METTL2A: variants seen among roughly 807,000 people sequenced by gnomAD.
The protein encoded by METTL2A is tRNA N(3)-cytidine methyltransferase METTL2A.
METTL2A carries 45 observed loss-of-function variants against 49.4 expected under a neutral mutation model. The ratio of observed to expected loss-of-function variants is 0.91; its 90% CI spans 0.72 to 1.17. The LOEUF (loss-of-function observed/expected upper bound fraction) is 1.17. Among genes scored for constraint, METTL2A ranks in the 50% most tolerant of loss-of-function variants. The pLI, the probability that METTL2A is intolerant of heterozygous loss-of-function variation, is 0.00. For synonymous variants in METTL2A, 118 were observed against 167.5 expected, an observed-to-expected ratio of 0.70 and a Z score of 2.28; for missense variants, 361 against 462.2, an observed-to-expected ratio of 0.78 and a Z score of 2.01.
chr17:62,424,562 G>A (rs1234853066), intron 2 of METTL2A, among the ~76,000 whole-genome samples: 1 of 152,168 alleles, frequency 6.6e-6, no homozygotes, highest in Non-Finnish European at 1.5e-5. Flanking sequence ...CTTTAATTAT[G>A]TTTAGTAGAT....
chr17:62,424,190 C>T (rs747992914), intron 1 of METTL2A, 29 bp from the exon 2 acceptor site: 227 of 1,613,986 alleles, frequency 1.4e-4, no homozygotes, highest in Admixed American at 1.0e-4. Flanking sequence ...GGACGTGAGG[C>T]CCCTAAGCTG....
intron 8 of METTL2A, 34 bp from the exon 9 acceptor site, chr17:62,448,541 A>G (rs1457309823): frequency 6.2e-7 from 1 of 1,607,330 alleles, no homozygotes; most frequent in South Asian, 1.1e-5. Flanking sequence ...CTTGAGGGGA[A>G]AAATGCATAA....
At chr17:62,442,193 T>A (rs1403951198) in intron 6 of METTL2A, among the ~76,000 whole-genome samples, 1 of 152,206 alleles carries the variant, frequency 6.6e-6, no homozygotes, top group Non-Finnish European at 1.5e-5. Flanking sequence ...CAGATTCAGA[T>A]TAAAGGAAAG....
chr17:62,440,216 G>A (rs1015633777), intron 5 of METTL2A, among the ~76,000 whole-genome samples: 14 of 151,976 alleles, frequency 9.2e-5, no homozygotes, highest in Admixed American at 6.6e-4. Context: ...GTAGAGATGG[G>A]GTTTCTCCAT....
chr17:62,447,644 A>G (rs2070777879), intron 7 of METTL2A, 57 bp from the exon 8 acceptor site: 12 of 1,596,942 alleles, frequency 7.5e-6, no homozygotes, highest in South Asian at 1.1e-5. Flanking sequence ...TTCCTTAGCA[A>G]TGCGAGTCAA....
intron 5 of METTL2A, among the ~76,000 whole-genome samples, chr17:62,437,492 G>A (rs1290076243): frequency 6.6e-6 from 1 of 152,012 alleles, no homozygotes; most frequent in African/African-American, 2.4e-5. Context: ...TCCCTTACAA[G>A]CTCACCCTGT....
chr17:62,438,139 G>A (rs1013309007), intron 5 of METTL2A, among the ~76,000 whole-genome samples: 5 of 151,824 alleles, frequency 3.3e-5, no homozygotes, highest in African/African-American at 1.2e-4. Flanking sequence ...GGGTGCAGTG[G>A]TTCATGCCTG....
intron 5 of METTL2A, among the ~76,000 whole-genome samples, chr17:62,438,315 G>A (rs1241398876): frequency 1.3e-5 from 2 of 151,374 alleles, no homozygotes; most frequent in Middle Eastern, 3.5e-3. Flanking sequence ...GCTGAGGCAG[G>A]AGAATCGCTT....
chr17:62,447,407 G>A (rs1396038933), intron 7 of METTL2A, among the ~76,000 whole-genome samples: 1 of 152,098 alleles, frequency 6.6e-6, no homozygotes, highest in East Asian at 1.9e-4. Flanking sequence ...CAACAAGAGC[G>A]AAACTCCGTC....
chr17:62,442,307 A>ACT (rs1302551571), intron 6 of METTL2A, among the ~76,000 whole-genome samples: 2 of 150,238 alleles, frequency 1.3e-5, no homozygotes, highest in Admixed American at 6.6e-5. Flanking sequence ...ATGGAGTCTC[A>ACT]CTCTGTTGCC....
intron 4 of METTL2A, among the ~76,000 whole-genome samples, chr17:62,428,152 C>A (rs2070640837): frequency 6.6e-6 from 1 of 152,152 alleles, no homozygotes; most frequent in South Asian, 2.1e-4. Flanking sequence ...TTAAAACTTG[C>A]TAGTGTTAAC....
chr17:62,441,464 T>C (rs551873937), intron 6 of METTL2A, among the ~76,000 whole-genome samples: 1 of 152,298 alleles, frequency 6.6e-6, no homozygotes, highest in East Asian at 1.9e-4. Flanking sequence ...TTTATTTTTT[T>C]GAGATGGAGT....
rs779847345 is a variant in METTL2A at position 62,451,485 on chromosome 17, G to A, written c.*2756G>A. Among the ~76,000 whole-genome samples, 1 of 150,584 alleles carries A rather than the reference G, an allele frequency of 6.6e-6. No homozygotes were observed. Among genetic ancestry groups the A allele is most frequent in the Admixed American group, 6.6e-5 (1 of 15,162 alleles). On this transcript the variant is annotated 3_prime_UTR_variant, in exon 9 of 9. Coordinates refer to ENST00000311506, the MANE Select transcript of METTL2A (RefSeq NM_181725.4). ...TTTTAAAAAATGTTAAAAATAGGCC[G>A]GGTGCGGTGGCTCACACCTGTAATC...
rs751973926 is a variant in METTL2A at position 62,423,992 on chromosome 17, C to T, written c.90C>T (p.Arg30=). 2 of 1,613,990 alleles carry T rather than the reference C, an allele frequency of 1.2e-6. No individual in the cohort carries two copies. The highest frequency in any genetic ancestry group is 1.7e-6 in the Non-Finnish European group (2 of 1,180,000). The change falls in exon 1 of 9, where the codon CGC becomes CGT. Residue 30 remains arginine (R), a synonymous_variant. Coordinates refer to ENST00000311506, the MANE Select transcript of METTL2A (RefSeq NM_181725.4). ...GCCGGTTCCTGAGAGATCCGGCGCG[C>T]GTCTTCCACCACAATGCCTGGTAAT... ...FGSRFLRDPA[R]VFHHNAWDNV...
At chr17:62,427,390 G>A (rs962947865) in intron 3 of METTL2A, among the ~76,000 whole-genome samples, 33 of 152,102 alleles carry the variant, frequency 2.2e-4, no homozygotes, top group Non-Finnish European at 4.1e-4. Flanking sequence ...TCATTACCAC[G>A]CAGCACTGTG....
intron 5 of METTL2A, among the ~76,000 whole-genome samples, chr17:62,436,524 T>C (rs2070701278): frequency 6.6e-6 from 1 of 151,962 alleles, no homozygotes; most frequent in Admixed American, 6.6e-5. Context: ...TGCACTCCAG[T>C]CTGGGCGACA....
chr17:62,426,370 G>A lies in METTL2A; in HGVS notation c.274G>A (p.Asp92Asn), dbSNP rs1466332862. 1 of 1,613,752 alleles carries A rather than the reference G, an allele frequency of 6.2e-7. No homozygotes were observed. The highest frequency in any genetic ancestry group is 8.5e-7 in the Non-Finnish European group (1 of 1,179,898). Residue 92 changes from aspartate to asparagine, a missense_variant, in exon 3 of 9, where the codon GAT (aspartate) becomes AAT (asparagine). This residue lies in a region of METTL2A where 150 missense variants were observed against 170.1 expected (regional missense o/e 0.88). Transcript: ENST00000311506. Reference sequence around the variant, plus strand: ...AATCCACGAAAATGGGTTTTTCAAGGATAGACATTGGCTTTTTACCGAATT... The same window carrying A: ...AATCCACGAAAATGGGTTTTTCAAGAATAGACATTGGCTTTTTACCGAATT... ...YKIHENGFFK[D>N]RHWLFTEFPE...
At chr17:62,427,721 A>G in intron 3 of METTL2A, 67 bp from the exon 4 acceptor site, 3 of 1,607,636 alleles carry the variant, frequency 1.9e-6, no homozygotes, top group Non-Finnish European at 1.7e-6. Flanking sequence ...TTATTTTTCT[A>G]GCTTTTCTAG....
At chr17:62,446,730 C>T (rs2144158378) in intron 7 of METTL2A, among the ~76,000 whole-genome samples, 1 of 152,298 alleles carries the variant, frequency 6.6e-6, no homozygotes, top group Middle Eastern at 3.4e-3. Flanking sequence ...GTGAATGCCT[C>T]TGGATAGGGA....
Sources: gnomAD v4.1 joint callset for allele counts (sites outside exome capture counted in the v4.1 genomes callset) on GRCh38, gnomAD v4.1.1 for gene constraint, gnomAD v4.1.1 regional missense constraint, MANE v1.5 for transcripts, NCBI Gene and HGNC (gene_info 2026-07-23, HGNC 2026-07-21) for gene names.